The following FAT3 variants were observed in gnomAD, a reference collection of about 807,000 sequenced individuals.
FAT3 encodes the protein protocadherin Fat 3.
A neutral mutation model predicts 310.2 loss-of-function variants in FAT3; 95 were observed. That is an observed-to-expected ratio of 0.31 (90% confidence interval 0.26 to 0.36). FAT3 has a LOEUF of 0.36. FAT3 is among the 10% of genes least tolerant of loss of function. The probability of loss-of-function intolerance (pLI) is 1.00; values close to 1 mark genes in which losing one functional copy is unlikely to be tolerated. For synonymous variants in FAT3, 2,314 were observed against 2,192.9 expected (o/e 1.06, Z -1.54); for missense variants, 5,408 against 5,715.6 (o/e 0.95, Z 1.74).
intron 1 of FAT3, among the ~76,000 whole-genome samples, chr11:92,232,760 C>A (rs1334586277): frequency 6.7e-6 from 1 of 149,278 alleles, no homozygotes; most frequent in African/African-American, 2.5e-5. Context: ...ATCACCAAAG[C>A]ACTAGGCAAA....
chr11:92,856,535 ATT>A (rs1222836874), intron 19 of FAT3, among the ~76,000 whole-genome samples: 4 of 152,092 alleles, frequency 2.6e-5, no homozygotes, highest in African/African-American at 4.8e-5. Flanking sequence ...CTTCTGAGGG[ATT>A]AACCTTTCAT....
At chr11:92,681,465 G>A (rs1943478486) in intron 3 of FAT3, among the ~76,000 whole-genome samples, 1 of 152,226 alleles carries the variant, frequency 6.6e-6, no homozygotes, top group Non-Finnish European at 1.5e-5. Flanking sequence ...TGAGCTTTAT[G>A]TGGTCAAGGA....
intron 3 of FAT3, among the ~76,000 whole-genome samples, chr11:92,617,025 C>A (rs1033693192): frequency 3.9e-5 from 6 of 152,110 alleles, no homozygotes; most frequent in African/African-American, 1.4e-4. Context: ...TGTTGGCCTG[C>A]CTTGCTAGGT....
intron 3 of FAT3, among the ~76,000 whole-genome samples, chr11:92,572,008 C>A (rs977707279): frequency 1.3e-5 from 2 of 152,198 alleles, no homozygotes; most frequent in Non-Finnish European, 2.9e-5. Context: ...TGAGGTGTGG[C>A]TCTTACAGCC....
intron 2 of FAT3, among the ~76,000 whole-genome samples, chr11:92,483,389 G>A (rs1352467168): frequency 2.6e-5 from 4 of 151,624 alleles, no homozygotes; most frequent in Non-Finnish European, 5.9e-5. Flanking sequence ...AGGCTGGAGT[G>A]CAATGGCGCG....
At chr11:92,548,798 T>C (rs1275865833) in intron 3 of FAT3, among the ~76,000 whole-genome samples, 1 of 152,154 alleles carries the variant, frequency 6.6e-6, no homozygotes. Context: ...TTTTCCTTAC[T>C]AAGTGAAAAA....
intron 3 of FAT3, among the ~76,000 whole-genome samples, chr11:92,544,686 C>T (rs537294168): frequency 1.3e-5 from 2 of 152,152 alleles, no homozygotes; most frequent in Non-Finnish European, 2.9e-5. Context: ...GCCCTGCCCC[C>T]AGTCAGGAAA....
At chr11:92,682,266 G>C (rs7944506) in intron 3 of FAT3, among the ~76,000 whole-genome samples, 4,137 of 152,268 alleles carry the variant, frequency 0.027, 207 homozygotes, top group African/African-American at 0.094. Context: ...TGCATGTAAA[G>C]TACTCAGCAT....
chr11:92,813,876 GA>G (rs1444623417), intron 13 of FAT3, among the ~76,000 whole-genome samples: 2 of 152,292 alleles, frequency 1.3e-5, no homozygotes, highest in East Asian at 3.9e-4. Context: ...GCTATGATCT[GA>G]AATTTGTGTC....
Position 92,790,028 on chromosome 11 carries a change from T to C in FAT3, c.4421T>C (p.Leu1474Pro). ...GATGTGACAATTTCCGAGGATGTGCTTCCAGACACGGAGATCCTGCAGATT... is the reference window on the plus strand; with the variant it reads ...GATGTGACAATTTCCGAGGATGTGCCTCCAGACACGGAGATCCTGCAGATT... ...NYDVTISEDV[L>P]PDTEILQIEA... is the part of the protein sequence containing the mutation. The change falls in exon 8 of 28, where the codon CTT becomes CCT. Residue 1474 changes from leucine (L) to proline (P), a missense_variant. Coordinates refer to ENST00000525166, the MANE Select transcript of FAT3 (RefSeq NM_001367949.2). 8 of 1,613,854 alleles carry C rather than the reference T, an allele frequency of 5.0e-6. No individual in the cohort carries two copies. Among genetic ancestry groups the C allele is most frequent in the Non-Finnish European group, 5.9e-6 (7 of 1,179,770 alleles).
chr11:92,845,216 T>C (rs1013091461), intron 19 of FAT3, among the ~76,000 whole-genome samples: 2 of 152,180 alleles, frequency 1.3e-5, no homozygotes, highest in African/African-American at 2.4e-5. Flanking sequence ...GCAGGCCCAG[T>C]CATCACACAA....
rs559601349 is a variant in FAT3 at position 92,824,777 on chromosome 11, C to CT, written c.9482-6835dup. Among the ~76,000 whole-genome samples, 1,017 of 147,732 alleles carry CT rather than the reference C, an allele frequency of 6.9e-3. 11 individuals are homozygous for CT. The highest frequency in any genetic ancestry group is 0.023 in the African/African-American group (948 of 40,486). On this transcript the variant is annotated intron_variant, in intron 13 of 27. Coordinates refer to ENST00000525166, the MANE Select transcript of FAT3 (RefSeq NM_001367949.2). ...CCACTTTGATAGAAATCCCTTCTGC[C>CT]TTTTTTTTTTCCACAAAACTAGGCT...
chr11:92,762,816 T>G (rs552303698), intron 5 of FAT3, among the ~76,000 whole-genome samples: 2 of 152,102 alleles, frequency 1.3e-5, no homozygotes, highest in Non-Finnish European at 2.9e-5. Context: ...AGCCAGGTAG[T>G]ACCTATTCCA....
intron 5 of FAT3, among the ~76,000 whole-genome samples, chr11:92,763,614 G>A (rs924982214): frequency 5.9e-5 from 9 of 152,136 alleles, no homozygotes; most frequent in Non-Finnish European, 1.3e-4. Flanking sequence ...CACAGCCACT[G>A]GCTGACTGAC....
At chr11:92,696,212 A>G (rs1304435393) in intron 3 of FAT3, among the ~76,000 whole-genome samples, 5 of 152,138 alleles carry the variant, frequency 3.3e-5, no homozygotes, top group Admixed American at 6.5e-5. Flanking sequence ...GAATGAATTC[A>G]TGGAAAGTTA....
chr11:92,251,729 G>T (rs1463556404), intron 1 of FAT3, among the ~76,000 whole-genome samples: 1 of 79,944 alleles, frequency 1.3e-5, no homozygotes, highest in Non-Finnish European at 2.5e-5. Flanking sequence ...AGTGCCTACT[G>T]TGCCTACTTC....
intron 2 of FAT3, among the ~76,000 whole-genome samples, chr11:92,398,375 C>T (rs181544765): frequency 2.6e-5 from 4 of 152,032 alleles, no homozygotes; most frequent in African/African-American, 7.2e-5. Flanking sequence ...GTGGTGCATG[C>T]CTGTAATCCC....
chr11:92,783,819 T>C (rs989263176), intron 7 of FAT3, among the ~76,000 whole-genome samples: 1 of 152,146 alleles, frequency 6.6e-6, no homozygotes, highest in East Asian at 1.9e-4. Context: ...ACTGTATGTA[T>C]AGATCTGGGC....
intron 2 of FAT3, among the ~76,000 whole-genome samples, chr11:92,372,613 A>G (rs1949220548): frequency 6.6e-6 from 1 of 151,986 alleles, no homozygotes; most frequent in Non-Finnish European, 1.5e-5. Context: ...TTAGAACTAC[A>G]AAGAGGAAAA....
Sources: allele counts gnomAD v4.1 joint callset (sites outside exome capture counted in the v4.1 genomes callset), GRCh38; gene constraint gnomAD v4.1.1; transcripts MANE v1.5; gene names NCBI Gene and HGNC (gene_info 2026-07-23, HGNC 2026-07-21).